The following ACSM3 variants were observed in gnomAD, a reference collection of about 807,000 sequenced individuals.
ACSM3 encodes acyl-CoA synthetase medium chain family member 3, also known as acyl-coenzyme A synthetase ACSM3, mitochondrial.
In ACSM3, 61 loss-of-function variants were observed where a neutral mutation model predicts 74.1. That is an observed-to-expected ratio of 0.82 (90% CI 0.67 to 1.02). The LOEUF (loss-of-function observed/expected upper bound fraction) is 1.02. ACSM3 is among the 50% of genes least tolerant of loss of function. The pLI is 0.00. For missense variants in ACSM3, 660 were observed against 697.0 expected, an observed-to-expected ratio of 0.95 and a Z score of 0.60; for synonymous variants, 213 against 241.5, an observed-to-expected ratio of 0.88 and a Z score of 1.09.
intron 3 of ACSM3, 98 bp from the exon 4 acceptor site, chr16:20,777,275 C>T (rs967829188): frequency 9.7e-6 from 11 of 1,139,802 alleles, no homozygotes; most frequent in East Asian, 4.9e-5. Flanking sequence ...GACTAACTCA[C>T]TCTGAGAAAT....
intron 12 of ACSM3, chr16:20,792,620 C>A: frequency 3.0e-6 from 3 of 985,300 alleles, no homozygotes; most frequent in Non-Finnish European, 3.6e-6. Flanking sequence ...TGCCAGTAAC[C>A]CAGGCTCACG....
chr16:20,677,720 G>T (rs2020376940), intron 1 of ACSM3, among the ~76,000 whole-genome samples: 1 of 152,178 alleles, frequency 6.6e-6, no homozygotes, highest in Non-Finnish European at 1.5e-5. Context: ...TAGAGGTGCA[G>T]TCTTTGCCTA....
At chr16:20,766,112 C>A (rs1268233110) in intron 1 of ACSM3, among the ~76,000 whole-genome samples, 1 of 152,136 alleles carries the variant, frequency 6.6e-6, no homozygotes, top group African/African-American at 2.4e-5. Flanking sequence ...GATATTTGTC[C>A]AAATTCCTGC....
chr16:20,741,359 A>G, intron 1 of ACSM3: 3 of 956,910 alleles, frequency 3.1e-6, no homozygotes, highest in East Asian at 2.7e-5. Flanking sequence ...TCTCAGGACT[A>G]GGGACGGAAA....
At position 20,752,395 on chromosome 16, in the gene ACSM3, T is replaced by C. The variant is rs750627936; in HGVS notation, c.-96+2392T>C. On this transcript the variant is annotated intron_variant, in intron 2 of 3. Coordinates refer to the ACSM3 transcript ENST00000561584. ...AAGGAATGGTCCCAACCCTAGTTGC[T>C]GTTCCTTGCCATTGTTTTTCTTGTG... Among the ~76,000 whole-genome samples the C allele has an allele frequency of 7.2e-5, 11 of 152,240 alleles. No homozygotes were observed. The South Asian group carries it at 2.3e-3, about 31-fold the overall frequency.
chr16:20,729,783 TAAA>T (rs5816134), intron 1 of ACSM3, among the ~76,000 whole-genome samples: 3 of 143,142 alleles, frequency 2.1e-5, no homozygotes, highest in Non-Finnish European at 4.6e-5. Flanking sequence ...TGCCTTAAGT[TAAA>T]AAAAAAAAAA....
At chr16:20,699,988 G>A (rs982703619) in intron 1 of ACSM3, among the ~76,000 whole-genome samples, 49 of 152,214 alleles carry the variant, frequency 3.2e-4, no homozygotes, top group African/African-American at 1.2e-3. Flanking sequence ...AGTGTTACAA[G>A]TCACTTCTGG....
intron 8 of ACSM3, 88 bp downstream of exon 8, chr16:20,785,195 T>C: frequency 6.5e-7 from 1 of 1,531,614 alleles, no homozygotes; most frequent in South Asian, 1.2e-5. Context: ...TTATGATTAT[T>C]TGAGGGATAG....
At chr16:20,749,998 A>C (rs1048842150) in exon 2 of ACSM3, 2 of 152,250 alleles carry the variant, frequency 1.3e-5, no homozygotes, top group Non-Finnish European at 2.9e-5. Context: ...GGGGAGAGGC[A>C]AACAGGTACA....
chr16:20,705,396 C>T (rs1360600205), intron 1 of ACSM3, among the ~76,000 whole-genome samples: 1 of 148,688 alleles, frequency 6.7e-6, no homozygotes, highest in African/African-American at 2.5e-5. Context: ...AAAACAACTT[C>T]AGAATGCATT....
chr16:20,778,073 TAG>T (rs1209303727), intron 4 of ACSM3, among the ~76,000 whole-genome samples: 1 of 152,084 alleles, frequency 6.6e-6, no homozygotes, highest in East Asian at 1.9e-4. Context: ...AGGCAATCTC[TAG>T]AGAGTGCTCC....
At chr16:20,706,632 TG>T (rs2079729051) in intron 1 of ACSM3, among the ~76,000 whole-genome samples, 1 of 152,198 alleles carries the variant, frequency 6.6e-6, no homozygotes, top group Admixed American at 6.5e-5. Flanking sequence ...GATTTGGAAA[TG>T]GCCCCATCTG....
At chr16:20,697,228 A>G (rs1203120387) in intron 1 of ACSM3, among the ~76,000 whole-genome samples, 2 of 152,054 alleles carry the variant, frequency 1.3e-5, no homozygotes, top group Non-Finnish European at 2.9e-5. Context: ...ATGTATTACT[A>G]TGCTTGGATA....
chr16:20,741,658 C>G, intron 1 of ACSM3: 1 of 1,583,074 alleles, frequency 6.3e-7, no homozygotes, highest in Non-Finnish European at 8.6e-7. Flanking sequence ...CAGCGCCGAG[C>G]GCGCTTGGCC....
At chr16:20,725,241 C>A (rs998087835) in intron 1 of ACSM3, 3 of 158,838 alleles carry the variant, frequency 1.9e-5, no homozygotes, top group African/African-American at 7.2e-5. Flanking sequence ...TTTCTTATTC[C>A]TAGTAGTGAC....
chr16:20,741,654 C>G (rs752435216), intron 1 of ACSM3: 1 of 1,583,276 alleles, frequency 6.3e-7, no homozygotes, highest in African/African-American at 1.3e-5. Flanking sequence ...GTCGCAGCGC[C>G]GAGCGCGCTT....
At chr16:20,780,384 T>C (rs2080326390) in intron 4 of ACSM3, 1 of 464,716 alleles carries the variant, frequency 2.2e-6, no homozygotes, top group African/African-American at 2.0e-5. Context: ...TTATCCATGA[T>C]TGCAAGATCA....
In ACSM3 at chr16:20,780,854, G is replaced by C. The variant is rs779380694; in HGVS notation, c.779G>C (p.Gly260Ala). 6 of 1,614,102 alleles carry C rather than the reference G, an allele frequency of 3.7e-6. No homozygotes were observed. The highest frequency in any genetic ancestry group is 5.1e-6 in the Non-Finnish European group (6 of 1,180,040). ...TTTGGTTTAGGATTATCTGTAAATG[G>C]AAGGTATACTTTCACAAAAGTGCAG... The part of the protein sequence containing the change: ...SSFGLGLSVN[G>A]RFWLDLTPSD... Residue 260 changes from glycine to alanine, a missense_variant, in exon 5 of 14, where the codon GGA (glycine) becomes GCA (alanine). By Grantham distance (60) the Gly-to-Ala change is moderately conservative. Transcript: ENST00000289416.
At chr16:20,781,632 G>A in intron 6 of ACSM3, 76 bp from the exon 7 acceptor site, 1 of 1,057,238 alleles carries the variant, frequency 9.5e-7, no homozygotes, top group South Asian at 1.3e-5. Flanking sequence ...TTTAAATTGT[G>A]CTGCGTCAAC....
Sources: gnomAD v4.1 joint callset for allele counts (sites outside exome capture counted in the v4.1 genomes callset) on GRCh38, gnomAD v4.1.1 for gene constraint, MANE v1.5 for transcripts, NCBI Gene and HGNC (gene_info 2026-07-23, HGNC 2026-07-21) for gene names.